The following MIR2052HG variants were observed in gnomAD, a reference collection of about 807,000 sequenced individuals.
The protein encoded by MIR2052HG is MIR2052 host gene.
At chr8:74,712,901 T>G (rs1809484216) in intron 4 of MIR2052HG, among the ~76,000 whole-genome samples, 1 of 152,166 alleles carries the variant, frequency 6.6e-6, no homozygotes, top group Non-Finnish European at 1.5e-5. Context: ...CTCAAAGAAC[T>G]TGTGTTACAG....
At chr8:74,727,722 C>A (rs1022484994) in intron 4 of MIR2052HG, among the ~76,000 whole-genome samples, 11 of 152,020 alleles carry the variant, frequency 7.2e-5, no homozygotes, top group African/African-American at 2.7e-4. Flanking sequence ...ATCAAGAATC[C>A]TTTAAACCAA....
intron 4 of MIR2052HG, among the ~76,000 whole-genome samples, chr8:74,721,393 C>A (rs1809576938): frequency 6.6e-6 from 1 of 152,200 alleles, no homozygotes; most frequent in African/African-American, 2.4e-5. Context: ...TTTATTTGCT[C>A]ATGTTTTTAT....
chr8:74,608,442 T>C (rs1808144317), intron 1 of MIR2052HG, among the ~76,000 whole-genome samples: 1 of 152,200 alleles, frequency 6.6e-6, no homozygotes, highest in African/African-American at 2.4e-5. Flanking sequence ...TATTGAAGTC[T>C]TAACACTATC....
chr8:74,715,384 G>A (rs1809510239), intron 4 of MIR2052HG, among the ~76,000 whole-genome samples: 1 of 152,078 alleles, frequency 6.6e-6, no homozygotes, highest in Non-Finnish European at 1.5e-5. Context: ...CATAGAACAG[G>A]GACAAAAGTA....
chr8:74,723,456 T>C (rs1254557764), intron 4 of MIR2052HG, among the ~76,000 whole-genome samples: 1 of 152,194 alleles, frequency 6.6e-6, no homozygotes, highest in Non-Finnish European at 1.5e-5. Flanking sequence ...CAGACAGACC[T>C]GAATTTGGCT....
At chr8:74,638,110 TG>T (rs751136155) in intron 2 of MIR2052HG, among the ~76,000 whole-genome samples, 3 of 152,114 alleles carry the variant, frequency 2.0e-5, no homozygotes, top group Non-Finnish European at 2.9e-5. Flanking sequence ...GAAGAAGTGA[TG>T]TTTGAGCTCC....
intron 2 of MIR2052HG, among the ~76,000 whole-genome samples, chr8:74,701,794 C>CA (rs1809360774): frequency 6.6e-6 from 1 of 152,088 alleles, no homozygotes; most frequent in Non-Finnish European, 1.5e-5. Context: ...ACCAGAAAGT[C>CA]AATGGTCTCA....
chr8:74,710,947 G>A (rs1809461350), intron 4 of MIR2052HG, among the ~76,000 whole-genome samples: 1 of 152,138 alleles, frequency 6.6e-6, no homozygotes, highest in Admixed American at 6.6e-5. Context: ...TGTGCCCCAC[G>A]TTTTGACTCA....
chr8:74,731,406 T>C (rs763774008), intron 4 of MIR2052HG, among the ~76,000 whole-genome samples: 2 of 152,172 alleles, frequency 1.3e-5, no homozygotes, highest in African/African-American at 2.4e-5. Flanking sequence ...TTCCTACCTA[T>C]GGAGCCTCAA....
intron 2 of MIR2052HG, among the ~76,000 whole-genome samples, chr8:74,690,922 T>A (rs1809233408): frequency 2.0e-5 from 3 of 152,232 alleles, no homozygotes; most frequent in Admixed American, 6.5e-5. Context: ...CTAGCAGTTT[T>A]AAAAATTTTC....
chr8:74,639,081 G>T (rs1370510843), intron 2 of MIR2052HG, among the ~76,000 whole-genome samples: 4 of 152,166 alleles, frequency 2.6e-5, no homozygotes, highest in Non-Finnish European at 5.9e-5. Flanking sequence ...AGAAGGAAAA[G>T]TATTTCTATG....
At chr8:74,658,190 T>C (rs73687195) in intron 2 of MIR2052HG, among the ~76,000 whole-genome samples, 2,804 of 152,256 alleles carry the variant, frequency 0.018, 54 homozygotes, top group African/African-American at 0.039. Context: ...TAAGCTTGCA[T>C]TTAGAATTTC....
chr8:74,746,824 G>C (rs948569287), intron 4 of MIR2052HG, among the ~76,000 whole-genome samples: 3 of 151,966 alleles, frequency 2.0e-5, no homozygotes, highest in African/African-American at 4.8e-5. Flanking sequence ...AAAGGTAACA[G>C]TATGATCAAG....
intron 2 of MIR2052HG, among the ~76,000 whole-genome samples, chr8:74,664,318 A>G (rs1195774607): frequency 6.6e-6 from 1 of 152,140 alleles, no homozygotes; most frequent in Admixed American, 6.6e-5. Context: ...CAAGGGCTTT[A>G]GTGACAGCCT....
chr8:74,742,960 A>G (rs11984549), intron 4 of MIR2052HG, among the ~76,000 whole-genome samples: 31,850 of 152,010 alleles, frequency 0.21, 3,457 homozygotes, highest in Middle Eastern at 0.3. Flanking sequence ...TGTGGAAAAA[A>G]AATGAGACAT....
intron 1 of MIR2052HG, among the ~76,000 whole-genome samples, chr8:74,606,420 C>T (rs1225841166): frequency 6.6e-6 from 1 of 152,036 alleles, no homozygotes; most frequent in Non-Finnish European, 1.5e-5. Context: ...TTAGTGAAAA[C>T]AAGGTTGGGC....
intron 4 of MIR2052HG, among the ~76,000 whole-genome samples, chr8:74,731,031 A>G (rs1234163236): frequency 1.3e-5 from 2 of 152,124 alleles, no homozygotes; most frequent in East Asian, 3.9e-4. Flanking sequence ...AAGTCCCCAA[A>G]GTGTCCCCAA....
chr8:74,682,623 A>T (rs1286360424), intron 2 of MIR2052HG, among the ~76,000 whole-genome samples: 2 of 152,140 alleles, frequency 1.3e-5, no homozygotes, highest in African/African-American at 4.8e-5. Context: ...CTTAACACAC[A>T]CAAGTTGCCA....
intron 4 of MIR2052HG, among the ~76,000 whole-genome samples, chr8:74,722,528 C>G (rs1235675255): frequency 6.6e-6 from 1 of 152,070 alleles, no homozygotes; most frequent in African/African-American, 2.4e-5. Context: ...AATAAAATGT[C>G]TCTTCTGATA....
Sources: allele counts gnomAD v4.1 joint callset (sites outside exome capture counted in the v4.1 genomes callset), GRCh38; gene constraint gnomAD v4.1.1; transcripts MANE v1.5; gene names NCBI Gene and HGNC (gene_info 2026-07-23, HGNC 2026-07-21).